EBF1: variants seen among roughly 807,000 people sequenced by gnomAD.
EBF1 encodes EBF transcription factor 1, also known as transcription factor COE1.
In EBF1, 10 loss-of-function variants were observed where a neutral mutation model predicts 68.4. The ratio of observed to expected loss-of-function variants is 0.15; its 90% CI spans 0.09 to 0.25. The LOEUF is 0.25. EBF1 is among the 10% of genes least tolerant of loss of function. EBF1 has a pLI of 1.00. For synonymous variants in EBF1, 298 were observed against 299.8 expected (o/e 0.99, Z 0.06); for missense variants, 509 against 794.4 (o/e 0.64, Z 4.32).
At chr5:158,914,423 G>T (rs970698517) in intron 6 of EBF1, among the ~76,000 whole-genome samples, 11 of 152,148 alleles carry the variant, frequency 7.2e-5, no homozygotes, top group Non-Finnish European at 1.5e-4. Context: ...TGCCGCACGA[G>T]GGGGGTAACC....
chr5:159,087,359 T>TATATATATACACACACATATATATACAC (rs1561985933), intron 4 of EBF1, among the ~76,000 whole-genome samples: 7 of 67,530 alleles, frequency 1.0e-4, no homozygotes, highest in African/African-American at 4.5e-4. Context: ...TATATACACA[T>TATATATATACACACACATATATATACAC]ATATATATAC....
chr5:159,044,143 T>A (rs920783928), intron 6 of EBF1, among the ~76,000 whole-genome samples: 1 of 152,218 alleles, frequency 6.6e-6, no homozygotes, highest in East Asian at 1.9e-4. Flanking sequence ...TCTGTGTATA[T>A]CATATGAAGA....
chr5:158,828,591 G>A (rs1310706673), intron 7 of EBF1, among the ~76,000 whole-genome samples: 1 of 152,134 alleles, frequency 6.6e-6, no homozygotes, highest in East Asian at 1.9e-4. Context: ...TAAAACAAGG[G>A]AAACCTGAAT....
chr5:158,880,982 T>C (rs887543068), intron 6 of EBF1, among the ~76,000 whole-genome samples: 2 of 152,042 alleles, frequency 1.3e-5, no homozygotes, highest in African/African-American at 4.8e-5. Flanking sequence ...CTGGCAATGT[T>C]ACATCACTTA....
At chr5:158,734,276 C>T (rs948352737) in intron 10 of EBF1, among the ~76,000 whole-genome samples, 9 of 151,988 alleles carry the variant, frequency 5.9e-5, no homozygotes, top group African/African-American at 2.2e-4. Flanking sequence ...ACATATATTA[C>T]TTATATAATC....
chr5:158,853,833 A>G (rs1451546208), intron 6 of EBF1, among the ~76,000 whole-genome samples: 1 of 152,208 alleles, frequency 6.6e-6, no homozygotes, highest in Non-Finnish European at 1.5e-5. Context: ...ATTAACTTTC[A>G]AAATGATAGA....
intron 2 of EBF1, 89 bp from the exon 3 acceptor site, chr5:159,096,495 A>T: frequency 6.8e-7 from 1 of 1,474,800 alleles, no homozygotes; most frequent in Non-Finnish European, 9.3e-7. Flanking sequence ...AACTTTCCCC[A>T]AGCCGGGACC....
chr5:159,024,868 A>G (rs1767403123), intron 6 of EBF1, among the ~76,000 whole-genome samples: 2 of 152,238 alleles, frequency 1.3e-5, no homozygotes, highest in South Asian at 4.1e-4. Context: ...GTCAGCTGGA[A>G]TGGCCAGCCA....
chr5:158,786,929 C>CA (rs1013353557), intron 9 of EBF1, among the ~76,000 whole-genome samples: 6 of 151,806 alleles, frequency 4.0e-5, no homozygotes. Context: ...TAAAAACAAA[C>CA]AAAAAAAGAT....
intron 6 of EBF1, among the ~76,000 whole-genome samples, chr5:158,867,629 T>C (rs1796167794): frequency 7.6e-6 from 1 of 131,408 alleles, no homozygotes; most frequent in African/African-American, 2.8e-5. Flanking sequence ...CTCTGTGGGC[T>C]GAGTTCTTAG....
At chr5:158,855,744 A>G (rs1487087969) in intron 6 of EBF1, among the ~76,000 whole-genome samples, 1 of 152,204 alleles carries the variant, frequency 6.6e-6, no homozygotes, top group Non-Finnish European at 1.5e-5. Context: ...CAACTTTCTG[A>G]ATTTTCTAAC....
chr5:158,915,772 G>A (rs1048160681), intron 6 of EBF1, among the ~76,000 whole-genome samples: 1 of 152,128 alleles, frequency 6.6e-6, no homozygotes, highest in Non-Finnish European at 1.5e-5. Context: ...GACATAGTAA[G>A]TAAAAACAAG....
intron 6 of EBF1, among the ~76,000 whole-genome samples, chr5:159,010,474 C>T (rs1033091726): frequency 1.3e-5 from 2 of 151,312 alleles, no homozygotes; most frequent in Non-Finnish European, 2.9e-5. Flanking sequence ...GTTTAAAACC[C>T]CGGAAAATAC....
At chr5:158,808,014 C>A (rs1195161344) in intron 8 of EBF1, among the ~76,000 whole-genome samples, 1 of 152,166 alleles carries the variant, frequency 6.6e-6, no homozygotes, top group South Asian at 2.1e-4. Context: ...TTTCAGTGAA[C>A]TTTCATTATT....
At chr5:158,745,604 A>G (rs765780571) in intron 10 of EBF1, among the ~76,000 whole-genome samples, 9 of 152,206 alleles carry the variant, frequency 5.9e-5, no homozygotes, top group Non-Finnish European at 1.3e-4. Context: ...CAGTTGCTAC[A>G]TTACTGACCC....
chr5:158,854,666 C>A lies in EBF1; in HGVS notation c.555-14556G>T, dbSNP rs60420407. On this transcript the variant is annotated intron_variant, in intron 6 of 15. Transcript: ENST00000313708. The stretch of plus-strand genomic sequence containing the variant: ...CATGCAGGAAACAAAACAACTGACT[C>A]GGTGCCTTCCTCCTTGCTTCTAAAG... 2.6e-5 allele frequency among the ~76,000 whole-genome samples: 4 copies of A among 152,324 alleles called. No individual in the cohort carries two copies. In the South Asian group the frequency reaches 6.2e-4, roughly 24 times the overall value.
chr5:158,864,052 C>T (rs1434555954), intron 6 of EBF1, among the ~76,000 whole-genome samples: 2 of 151,462 alleles, frequency 1.3e-5, no homozygotes, highest in Admixed American at 1.3e-4. Context: ...GCCAACATGG[C>T]GGAAGCCCAT....
intron 6 of EBF1, among the ~76,000 whole-genome samples, chr5:158,857,180 G>T (rs2128017089): frequency 6.6e-6 from 1 of 151,516 alleles, no homozygotes; most frequent in Non-Finnish European, 1.5e-5. Flanking sequence ...CACCCCTTCT[G>T]CTTGGCCAAC....
At chr5:159,006,558 G>A (rs757276603) in intron 6 of EBF1, among the ~76,000 whole-genome samples, 15 of 145,202 alleles carry the variant, frequency 1.0e-4, no homozygotes, top group Non-Finnish European at 1.9e-4. Flanking sequence ...AAGCAACGTG[G>A]GAATCCGTTT....
Sources: allele counts gnomAD v4.1 joint callset (sites outside exome capture counted in the v4.1 genomes callset), GRCh38; gene constraint gnomAD v4.1.1; transcripts MANE v1.5; gene names NCBI Gene and HGNC (gene_info 2026-07-23, HGNC 2026-07-21).